The following FBXO24 variants were observed in gnomAD, a reference collection of about 807,000 sequenced individuals.
FBXO24 encodes F-box only protein 24.
A neutral mutation model predicts 63.5 loss-of-function variants in FBXO24; 30 were observed. The observed-to-expected ratio is 0.47, with a 90% CI of 0.35 to 0.64. The LOEUF is 0.64. Ranked by LOEUF, FBXO24 falls within the 30% of genes least tolerant of loss-of-function variation. The pLI is 0.00. For synonymous variants in FBXO24, 300 were observed against 305.0 expected (o/e 0.98, Z 0.17); for missense variants, 624 against 763.4 (o/e 0.82, Z 2.15).
At chr7:100,593,797 CAAAAAAAAAAAA>C (rs900435798) in intron 5 of FBXO24, among the ~76,000 whole-genome samples, 1 of 56,586 alleles carries the variant, frequency 1.8e-5, no homozygotes, top group African/African-American at 6.1e-5. Context: ...ACTCCATCTC[CAAAAAAAAAAAA>C]AAAAAAAAAA....
At position 100,600,981 on chromosome 7, in the gene FBXO24, T is replaced by G; in HGVS notation, c.*82T>G. 1.4e-4 allele frequency: 199 copies of G among 1,440,354 alleles called. No individual in the cohort carries two copies. Among genetic ancestry groups the G allele is most frequent in the Non-Finnish European group, 1.1e-4 (122 of 1,070,444 alleles). The allele number at this position is 1,440,354 out of a possible 1,614,324, so 89.2% of individuals were successfully genotyped here. ...TAAGGAGCAATGACCATTGTGCACA[T>G]GCGTGTGGGAAGGGGTTGCTAGGGG... On this transcript the variant is annotated 3_prime_UTR_variant, in exon 10 of 10. Coordinates refer to ENST00000241071, the MANE Select transcript of FBXO24 (RefSeq NM_033506.3). This position sits in a 1 kb window ranked among gnomAD's most constrained non-coding sequence, Gnocchi z 6.3.
In FBXO24 at chr7:100,594,571, C is replaced by T. The variant is rs765990700; in HGVS notation, c.952+30C>T. 64 of 1,532,248 alleles carry T rather than the reference C, an allele frequency of 4.2e-5. No homozygotes were observed. Among genetic ancestry groups the T allele is most frequent in the Non-Finnish European group, 5.1e-5 (58 of 1,136,954 alleles). The allele number at this position is 1,532,248 out of a possible 1,614,324, so 94.9% of individuals were successfully genotyped here. A position where few individuals can be genotyped will look rare whatever the true frequency, so the allele number is the denominator to read the frequency against. On this transcript the variant is annotated intron_variant, in intron 6 of 9. Transcript: ENST00000241071. This position sits in a 1 kb window ranked among gnomAD's most constrained non-coding sequence, Gnocchi z 4.2. ...GGACCACCTCCCCCCGGCTCAAGCCCGCAGCCTTGGTTAGACCCTCTAAAC... is the reference window on the plus strand; with the variant it reads ...GGACCACCTCCCCCCGGCTCAAGCCTGCAGCCTTGGTTAGACCCTCTAAAC...
intron 3 of FBXO24, among the ~76,000 whole-genome samples, chr7:100,591,157 C>T (rs1802003699): frequency 6.6e-6 from 1 of 151,512 alleles, no homozygotes; most frequent in African/African-American, 2.4e-5. Context: ...GTGCCTCAGC[C>T]TCCTGAGTAG....
intron 1 of FBXO24, among the ~76,000 whole-genome samples, chr7:100,589,056 A>G (rs4729595): frequency 1.3e-5 from 2 of 151,448 alleles, no homozygotes; most frequent in Admixed American, 1.3e-4. Context: ...CTTGAAACCC[A>G]TGGCCTCAAG....
Position 100,593,155 on chromosome 7 carries a change from C to T in FBXO24, c.793+138C>T, listed in dbSNP as rs1802115670. On this transcript the variant is annotated intron_variant, in intron 5 of 9. Coordinates refer to ENST00000241071, the MANE Select transcript of FBXO24 (RefSeq NM_033506.3). ...CTAGTCTCCATCTAAACAGCTCTGC[C>T]CTTCTCTGTCTCCTAGTCTAGGATT... 4 of 646,740 alleles carry T rather than the reference C, an allele frequency of 6.2e-6. No homozygotes were observed. In the South Asian group the frequency reaches 7.5e-5, roughly 12 times the overall value. 40.1% of individuals were successfully genotyped at this position (646,740 alleles called of 1,614,324 possible).
intron 8 of FBXO24, among the ~76,000 whole-genome samples, chr7:100,598,613 G>A (rs1395954848): frequency 6.6e-6 from 1 of 152,210 alleles, no homozygotes; most frequent in Non-Finnish European, 1.5e-5. Flanking sequence ...GGAAGCGGCA[G>A]GAAGCAAGTA....
At chr7:100,587,256 T>C (rs1801802496) in intron 1 of FBXO24, among the ~76,000 whole-genome samples, 1 of 151,966 alleles carries the variant, frequency 6.6e-6, no homozygotes, top group Admixed American at 6.6e-5. Flanking sequence ...TTCACTCCCT[T>C]CCTCTCTTCC....
chr7:100,589,661 G>A (rs1801902250), intron 1 of FBXO24: 1 of 1,504,768 alleles, frequency 6.6e-7, no homozygotes, highest in East Asian at 2.5e-5. Context: ...AAAGCCAGCA[G>A]GAACGGGGGG....
intron 3 of FBXO24, 81 bp from the exon 4 acceptor site, chr7:100,591,586 C>A: frequency 1.5e-6 from 2 of 1,342,046 alleles, no homozygotes; most frequent in South Asian, 1.2e-5. Context: ...ACCAGCGTGT[C>A]TAAGAAATCT....
chr7:100,599,977 GC>G (rs1041358701), intron 8 of FBXO24, 53 bp from the exon 9 acceptor site: 85 of 783,950 alleles, frequency 1.1e-4, no homozygotes, highest in Middle Eastern at 4.1e-4. Context: ...TCCCACCCCA[GC>G]CCCCCCGTCC....
intron 1 of FBXO24, among the ~76,000 whole-genome samples, chr7:100,588,861 T>G (rs1345165596): frequency 6.6e-6 from 1 of 152,142 alleles, no homozygotes; most frequent in African/African-American, 2.4e-5. Context: ...TGGGTATCAT[T>G]CTCGCCCGGG....
chr7:100,597,032 A>G (rs1802343046), intron 8 of FBXO24, among the ~76,000 whole-genome samples: 1 of 152,068 alleles, frequency 6.6e-6, no homozygotes, highest in Admixed American at 6.6e-5. Context: ...ACGGAGAGAG[A>G]CTCTGTCTCA....
Position 100,586,454 on chromosome 7 carries a change from C to A in FBXO24, c.-172C>A, listed in dbSNP as rs183277670. ...AAGAGGAGGGGACACCGGCACTCCA[C>A]TAGCAGGAAAACGGGCCGAGGGACC... On this transcript the variant is annotated 5_prime_UTR_variant, in exon 1 of 10. Coordinates refer to ENST00000241071, the MANE Select transcript of FBXO24 (RefSeq NM_033506.3). 7.1e-6 allele frequency: 5 copies of A among 704,656 alleles called. No individual in the cohort carries two copies. Among genetic ancestry groups the A allele is most frequent in the South Asian group, 1.7e-5 (1 of 58,768 alleles). 43.7% of individuals were successfully genotyped at this position (704,656 alleles called of 1,614,324 possible).
intron 1 of FBXO24, 27 bp downstream of exon 1, chr7:100,586,691 T>G (rs1437613832): frequency 2.5e-6 from 4 of 1,613,794 alleles, no homozygotes; most frequent in Non-Finnish European, 2.5e-6. Context: ...AGACTGAGGT[T>G]AAGAATGAAC....
At chr7:100,591,573 C>A in intron 3 of FBXO24, 94 bp from the exon 4 acceptor site, 7 of 1,172,242 alleles carry the variant, frequency 6.0e-6, no homozygotes, top group Non-Finnish European at 8.8e-6. Context: ...GGAGGAACTA[C>A]AAACCAGCGT....
At chr7:100,588,079 A>G (rs1447850676) in intron 1 of FBXO24, among the ~76,000 whole-genome samples, 1 of 151,592 alleles carries the variant, frequency 6.6e-6, no homozygotes, top group Non-Finnish European at 1.5e-5. Flanking sequence ...GGGTCCTACT[A>G]TGTTGCCCAG....
chr7:100,596,515 C>A (rs916497805), intron 8 of FBXO24, among the ~76,000 whole-genome samples: 1 of 151,806 alleles, frequency 6.6e-6, no homozygotes, highest in Non-Finnish European at 1.5e-5. Context: ...AGAGTCACTG[C>A]AGGTTCTGGA....
In FBXO24 at chr7:100,591,754, G is replaced by A. The variant is rs1056098040; in HGVS notation, c.410G>A (p.Arg137His). The A allele has an allele frequency of 7.4e-6, 12 of 1,614,222 alleles. No homozygotes were observed. The highest frequency in any genetic ancestry group is 1.6e-4 in the Middle Eastern group (1 of 6,062). Reference protein sequence around the residue: ...SVAPLLAHGYRRFLPTKDHVF... With the variant: ...SVAPLLAHGYHRFLPTKDHVF... ...GCCCCCTTGCTAGCCCACGGCTACC[G>A]CCGCTTCTTGCCCACCAAGGATCAC... The change falls in exon 4 of 10, where the codon CGC becomes CAC. Residue 137 changes from arginine (R) to histidine (H), a missense_variant. Physicochemically the swap from Arg to His is conservative, Grantham distance 29 (BLOSUM62 0). This residue lies in a region of FBXO24 where 391 missense variants were observed against 469.1 expected (regional missense o/e 0.83). Coordinates refer to ENST00000241071, the MANE Select transcript of FBXO24 (RefSeq NM_033506.3).
At position 100,600,915 on chromosome 7, in the gene FBXO24, C is replaced by A; in HGVS notation, c.*16C>A. 1 of 1,604,936 alleles carries A rather than the reference C, an allele frequency of 6.2e-7. No individual in the cohort carries two copies. The highest frequency in any genetic ancestry group is 8.5e-7 in the Non-Finnish European group (1 of 1,175,540). On this transcript the variant is annotated 3_prime_UTR_variant, in exon 10 of 10. Coordinates refer to ENST00000241071, the MANE Select transcript of FBXO24 (RefSeq NM_033506.3). This position sits in a 1 kb window ranked among gnomAD's most constrained non-coding sequence, Gnocchi z 6.3. ...TGAGACCTAATCCCCCTCATGCTAG[C>A]CTAGTCCCTGGAGGAGGGAGTCCGG...
Sources: allele counts gnomAD v4.1 joint callset (sites outside exome capture counted in the v4.1 genomes callset), GRCh38; gene constraint gnomAD v4.1.1; regional missense constraint gnomAD v4.1.1; non-coding constraint Gnocchi (gnomAD v3.1); transcripts MANE v1.5; gene names NCBI Gene and HGNC (gene_info 2026-07-23, HGNC 2026-07-21).